The following ARHGEF1 variants were observed in gnomAD, a reference collection of about 807,000 sequenced individuals.
ARHGEF1 encodes 115 kDa guanine nucleotide exchange factor.
ARHGEF1 carries 40 observed loss-of-function variants against 119.7 expected under a neutral mutation model. The ratio of observed to expected loss-of-function variants is 0.33; its 90% CI spans 0.26 to 0.44. ARHGEF1 has a LOEUF of 0.44. Ranked by LOEUF, ARHGEF1 falls within the 20% of genes least tolerant of loss-of-function variation. ARHGEF1 has a pLI of 1.00. For synonymous variants in ARHGEF1, 494 were observed against 521.0 expected, an observed-to-expected ratio of 0.95 and a Z score of 0.71; for missense variants, 976 against 1,268.3, an observed-to-expected ratio of 0.77 and a Z score of 3.50.
At chr19:41,896,660 C>G (rs1555847714) in intron 13 of ARHGEF1, 178 bp downstream of exon 13, 1 of 705,040 alleles carries the variant, frequency 1.4e-6, no homozygotes, top group Non-Finnish European at 2.6e-6. Flanking sequence ...TCATCTCCCT[C>G]CTGCTTCCTC....
downstream of ARHGEF1, chr19:41,908,570 C>T: frequency 1.6e-6 from 2 of 1,231,698 alleles, no homozygotes; most frequent in Non-Finnish European, 2.0e-6. The surrounding 1 kb of genome is among the most constrained non-coding windows in gnomAD (Gnocchi z 6.7). Context: ...AGGGAGGCAG[C>T]TTGGGGAAGG....
chr19:41,892,515 G>A lies in ARHGEF1; in HGVS notation c.368-88G>A, dbSNP rs1327088901. 1.3e-5 allele frequency: 21 copies of A among 1,576,472 alleles called. No individual in the cohort carries two copies. The highest frequency in any genetic ancestry group is 4.5e-5 in the East Asian group (2 of 44,436). On this transcript the variant is annotated intron_variant, in intron 6 of 28. Coordinates refer to ENST00000354532, the MANE Select transcript of ARHGEF1 (RefSeq NM_004706.4). This position sits in a 1 kb window ranked among gnomAD's most constrained non-coding sequence, Gnocchi z 6.3. ...TCCTTCTTGGCAGCGGCCTCAGGAC[G>A]TGTGGCTGTTGGAGTCCAAGGGTGG...
intron 10 of ARHGEF1, 30 bp downstream of exon 10, chr19:41,894,577 T>G (rs1241227005): frequency 6.2e-7 from 1 of 1,613,864 alleles, no homozygotes; most frequent in African/African-American, 1.3e-5. Flanking sequence ...TGCCCTCCCC[T>G]GTCTTCCCCA....
At chr19:41,897,921 C>T in intron 13 of ARHGEF1, 1 of 1,295,718 alleles carries the variant, frequency 7.7e-7, no homozygotes, top group Non-Finnish European at 9.8e-7. Context: ...ATCTGCCTGA[C>T]TCTGTCCTTG....
chr19:41,888,218 C>T lies in ARHGEF1; in HGVS notation c.51C>T (p.Gly17=), dbSNP rs2074324431. ...GAASPGPSRP[G]LVPVSIIGAE... is the part of the protein sequence containing the mutation. ...CCTCCCCAGGCCCCTCCCGGCCTGG[C>T]CTGGTTCCCGTCAGCATCATCGGGG... is the stretch of plus-strand genomic sequence containing the variant. Residue 17 remains glycine, a synonymous_variant, in exon 3 of 29, where the codon GGC becomes GGT. Coordinates refer to ENST00000354532, the MANE Select transcript of ARHGEF1 (RefSeq NM_004706.4). This position sits in a 1 kb window ranked among gnomAD's most constrained non-coding sequence, Gnocchi z 5.1. 6.2e-7 allele frequency: 1 copy of T among 1,613,980 alleles called. No individual in the cohort carries two copies.
chr19:41,926,732 G>A (rs1300510977), intron 1 of ARHGEF1, among the ~76,000 whole-genome samples: 2 of 152,168 alleles, frequency 1.3e-5, no homozygotes, highest in Non-Finnish European at 2.9e-5. Context: ...AGCGGGCGGG[G>A]GGGCCGTTTA....
In ARHGEF1 at chr19:41,888,798, A is replaced by G; in HGVS notation, c.158A>G (p.Lys53Arg). 6.2e-7 allele frequency: 1 copy of G among 1,614,152 alleles called. No homozygotes were observed. Among genetic ancestry groups the G allele is most frequent in the Non-Finnish European group, 8.5e-7 (1 of 1,180,012 alleles). The change falls in exon 4 of 29, where the codon AAG becomes AGG. Residue 53 changes from lysine (K) to arginine (R), a missense_variant. Transcript: ENST00000354532. The surrounding 1 kb of genome is among the most constrained non-coding windows in gnomAD (Gnocchi z 5.1). ...CAGTTCCAGAGCCTGGAGCAGGTGA[A>G]GCGGCGCCCAGCCCACCTCATGGCC... ...NSQFQSLEQVKRRPAHLMALL... is the reference protein window; with the variant it reads ...NSQFQSLEQVRRRPAHLMALL...
chr19:41,899,185 C>T (rs911657859), intron 14 of ARHGEF1, among the ~76,000 whole-genome samples: 12 of 152,034 alleles, frequency 7.9e-5, no homozygotes, highest in African/African-American at 2.9e-4. Context: ...GATGGGGTTT[C>T]GCCATGTTGG....
At chr19:41,915,707 CTCTG>C (rs1353275642) in intron 18 of ARHGEF1, among the ~76,000 whole-genome samples, 6 of 152,178 alleles carry the variant, frequency 3.9e-5, no homozygotes, top group African/African-American at 1.4e-4. Context: ...GTCTCTATGT[CTCTG>C]TCTCTGTTTC....
intron 7 of ARHGEF1, 142 bp from the exon 8 acceptor site, chr19:41,893,132 C>G: frequency 8.3e-7 from 1 of 1,208,834 alleles, no homozygotes; most frequent in East Asian, 2.5e-5. Context: ...TATGACAGTC[C>G]TTCCCAATCC....
Position 41,903,871 on chromosome 19 carries a change from T to C in ARHGEF1, c.1917+87T>C. ...TACAGCCCCCAGCCTGTCCTGCCCA[T>C]CCCATAATACACCCAGGAAGCGAGA... On this transcript the variant is annotated intron_variant, in intron 20 of 28. Coordinates refer to ENST00000354532, the MANE Select transcript of ARHGEF1 (RefSeq NM_004706.4). The surrounding 1 kb of genome is among the most constrained non-coding windows in gnomAD (Gnocchi z 4.2). The C allele has an allele frequency of 1.4e-6, 2 of 1,445,250 alleles. No individual in the cohort carries two copies. The highest frequency in any genetic ancestry group is 1.7e-5 in the Admixed American group (1 of 57,334). The allele number at this position is 1,445,250 out of a possible 1,614,324, so 89.5% of individuals were successfully genotyped here. A position where few individuals can be genotyped will look rare whatever the true frequency, so the allele number is the denominator to read the frequency against.
At position 41,888,965 on chromosome 19, in the gene ARHGEF1, A is replaced by G; in HGVS notation, c.225+100A>G. 1 of 981,096 alleles carries G rather than the reference A, an allele frequency of 1.0e-6. No homozygotes were observed. The highest frequency in any genetic ancestry group is 1.6e-5 in the South Asian group (1 of 63,078). 60.8% of individuals were successfully genotyped at this position (981,096 alleles called of 1,614,324 possible). ...GAGCTAGTGCCTGGAGGGTCTGGAAAAGCAGATCTAGAACACAGAGAGCCA... is the reference window on the plus strand; with the variant it reads ...GAGCTAGTGCCTGGAGGGTCTGGAAGAGCAGATCTAGAACACAGAGAGCCA... On this transcript the variant is annotated intron_variant, in intron 4 of 28. Coordinates refer to ENST00000354532, the MANE Select transcript of ARHGEF1 (RefSeq NM_004706.4). The surrounding 1 kb of genome is among the most constrained non-coding windows in gnomAD (Gnocchi z 5.1).
chr19:41,887,432 G>C (rs1555845386), intron 1 of ARHGEF1, among the ~76,000 whole-genome samples: 1 of 152,128 alleles, frequency 6.6e-6, no homozygotes, highest in East Asian at 1.9e-4. Context: ...CTGGAAGCCT[G>C]GGAAGAGATG....
In ARHGEF1 at chr19:41,892,379, G is replaced by T; in HGVS notation, c.367+6G>T. 1 of 1,614,020 alleles carries T rather than the reference G, an allele frequency of 6.2e-7. No individual in the cohort carries two copies. ...CAACGTCGCCTTTGAACTTGGTAAG[G>T]AGAAGGATGGGATGAGGGAGAGGTG... On this transcript the variant is annotated splice_donor_region_variant and intron_variant, in intron 6 of 28. Transcript: ENST00000354532. The surrounding 1 kb of genome is among the most constrained non-coding windows in gnomAD (Gnocchi z 6.3).
upstream of ARHGEF1, among the ~76,000 whole-genome samples, chr19:41,920,324 G>A (rs910435912): frequency 1.5e-5 from 2 of 135,906 alleles, no homozygotes; most frequent in Admixed American, 8.0e-5. Flanking sequence ...ATGCCCAGAC[G>A]TGACACACTC....
At chr19:41,895,687 G>A (rs1052873374) in intron 12 of ARHGEF1, among the ~76,000 whole-genome samples, 1 of 152,050 alleles carries the variant, frequency 6.6e-6, no homozygotes, top group Non-Finnish European at 1.5e-5. Context: ...CCACAGCTTT[G>A]CTCCCAGGCT....
chr19:41,894,482 C>T lies in ARHGEF1; in HGVS notation c.776C>T (p.Ala259Val), dbSNP rs1555847088. 6.3e-7 allele frequency: 1 copy of T among 1,585,454 alleles called. No homozygotes were observed. Among genetic ancestry groups the T allele is most frequent in the Non-Finnish European group, 8.6e-7 (1 of 1,163,674 alleles). ...GGGAACCGGCGGTCGGACGAGCCTG[C>T]CAAGACCAAGAAGGGGCTGAGCAGC... ...VMGNRRSDEPAKTKKGLSSIL... is the reference protein window; with the variant it reads ...VMGNRRSDEPVKTKKGLSSIL... Residue 259 changes from alanine (A) to valine (V), a missense_variant, in exon 10 of 29, where the codon GCC becomes GTC. Physicochemically the swap from Ala to Val is moderately conservative, Grantham distance 64. This residue lies in a region of ARHGEF1 where 519 missense variants were observed against 580.9 expected (regional missense o/e 0.89). Coordinates refer to ENST00000354532, the MANE Select transcript of ARHGEF1 (RefSeq NM_004706.4).
chr19:41,891,873 G>A, intron 4 of ARHGEF1, 152 bp from the exon 5 acceptor site: 1 of 610,816 alleles, frequency 1.6e-6, no homozygotes, highest in Non-Finnish European at 2.8e-6. Flanking sequence ...CTGGCTTTAG[G>A]GGTGGAGGTC....
At chr19:41,891,832 G>A (rs2036470686) in intron 4 of ARHGEF1, among the ~76,000 whole-genome samples, 193 bp from the exon 5 acceptor site, 1 of 152,198 alleles carries the variant, frequency 6.6e-6, no homozygotes, top group African/African-American at 2.4e-5. Context: ...GCTCATGGCA[G>A]CCCCAGGGAG....
Sources: gnomAD v4.1 joint callset for allele counts (sites outside exome capture counted in the v4.1 genomes callset) on GRCh38, gnomAD v4.1.1 for gene constraint, gnomAD v4.1.1 regional missense constraint, Gnocchi (gnomAD v3.1) non-coding constraint, MANE v1.5 for transcripts, NCBI Gene and HGNC (gene_info 2026-07-23, HGNC 2026-07-21) for gene names.